ASTN2: variants seen among roughly 807,000 people sequenced by gnomAD.
ASTN2 encodes astrotactin 2.
In ASTN2, 54 loss-of-function variants were observed where a neutral mutation model predicts 139.8. That is an observed-to-expected ratio of 0.39 (90% CI 0.31 to 0.48). ASTN2 has a LOEUF of 0.48. Among genes scored for constraint, ASTN2 ranks in the 20% least tolerant of loss-of-function variants. The pLI is 0.95. For missense variants in ASTN2, 1,565 were observed against 1,725.1 expected, an observed-to-expected ratio of 0.91 and a Z score of 1.64; for synonymous variants, 756 against 719.5, an observed-to-expected ratio of 1.05 and a Z score of -0.81.
At chr9:116,906,107 G>A (rs1834151601) in intron 10 of ASTN2, among the ~76,000 whole-genome samples, 2 of 151,994 alleles carry the variant, frequency 1.3e-5, no homozygotes, top group South Asian at 2.1e-4. Context: ...AGTGCTTGGG[G>A]CTCGAGATGA....
intron 10 of ASTN2, among the ~76,000 whole-genome samples, chr9:116,891,994 C>T (rs12001078): frequency 0.034 from 5,192 of 152,168 alleles, 174 homozygotes; most frequent in African/African-American, 0.087. Flanking sequence ...TAGCAAGTCC[C>T]CTGCATGAGG....
At chr9:117,346,996 C>T (rs992375791) in intron 1 of ASTN2, among the ~76,000 whole-genome samples, 1 of 152,086 alleles carries the variant, frequency 6.6e-6, no homozygotes, top group Non-Finnish European at 1.5e-5. Flanking sequence ...TTAAATTAGT[C>T]AAGACTTACT....
In ASTN2 at chr9:116,520,796, A is replaced by C. The variant is rs918182402; in HGVS notation, c.3356-33296T>G. ...GCTCCTAGAACTGGTAAATGAATTC[A>C]GCAAAGCTTCAGGATAGAAAATTAA... On this transcript the variant is annotated intron_variant, in intron 19 of 22. Transcript: ENST00000313400. 3.9e-5 allele frequency among the ~76,000 whole-genome samples: 6 copies of C among 152,326 alleles called. No individual in the cohort carries two copies. In the East Asian group the frequency reaches 9.6e-4, roughly 24 times the overall value.
intron 16 of ASTN2, among the ~76,000 whole-genome samples, chr9:116,721,118 G>A (rs1828462383): frequency 6.6e-6 from 1 of 152,206 alleles, no homozygotes; most frequent in Admixed American, 6.5e-5. Flanking sequence ...CCTCAACTCA[G>A]AGCTGGATGG....
intron 22 of ASTN2, among the ~76,000 whole-genome samples, chr9:116,435,337 A>G (rs536382454): frequency 1.3e-5 from 2 of 152,342 alleles, no homozygotes; most frequent in East Asian, 3.9e-4. Flanking sequence ...GATGTTCTGC[A>G]TACTTGCTAA....
At chr9:116,782,208 C>T (rs1185478735) in intron 13 of ASTN2, among the ~76,000 whole-genome samples, 1 of 152,120 alleles carries the variant, frequency 6.6e-6, no homozygotes, top group Admixed American at 6.6e-5. Context: ...CAGTGGAGCC[C>T]ACAATCACTG....
rs543191711 is a variant in ASTN2, at chr9:116,954,193, C to T, written c.1889+21015G>A. Among the ~76,000 whole-genome samples, 3 of 152,230 alleles carry T rather than the reference C, an allele frequency of 2.0e-5. No individual in the cohort carries two copies. The South Asian group carries it at 6.2e-4, about 32-fold the overall frequency. On this transcript the variant is annotated intron_variant, in intron 10 of 22. Coordinates refer to ENST00000313400, the MANE Select transcript of ASTN2 (RefSeq NM_001365068.1). The stretch of plus-strand genomic sequence containing the variant: ...CATTATCCCTATTATATATATCCAA[C>T]AACTGAGACTAGAAAGGGAATATAA...
chr9:116,779,799 C>T (rs1262539176), intron 13 of ASTN2, among the ~76,000 whole-genome samples: 1 of 152,158 alleles, frequency 6.6e-6, no homozygotes, highest in Non-Finnish European at 1.5e-5. Context: ...CCACCTGGGT[C>T]AATAATTAAT....
chr9:117,398,083 T>C (rs1458921470), intron 1 of ASTN2, among the ~76,000 whole-genome samples: 1 of 152,078 alleles, frequency 6.6e-6, no homozygotes, highest in Admixed American at 6.6e-5. Context: ...ATATTATGTA[T>C]ATGTGTGTGT....
rs766522381 is a variant in ASTN2, at chr9:116,487,434, C to T, written c.3422G>A (p.Arg1141Gln). The change falls in exon 20 of 23, where the codon CGA (arginine) becomes CAA (glutamine). Residue 1141 changes from arginine (R) to glutamine (Q), a missense_variant. Arg to Gln is a conservative substitution (Grantham distance 43, BLOSUM62 1). Coordinates refer to ENST00000313400, the MANE Select transcript of ASTN2 (RefSeq NM_001365068.1). ...GACTTCAGGGACCTCTCCATGGCTT[C>T]GACCAGCTGCTACACAAGATGTGCC... ...GLGTSCVAAG[R>Q]SHGEVPEVSI... 32 of 1,613,880 alleles carry T rather than the reference C, an allele frequency of 2.0e-5. No individual in the cohort carries two copies. Among genetic ancestry groups the T allele is most frequent in the Middle Eastern group, 1.6e-4 (1 of 6,084 alleles).
At chr9:116,511,432 G>A (rs573470864) in intron 19 of ASTN2, among the ~76,000 whole-genome samples, 1 of 152,080 alleles carries the variant, frequency 6.6e-6, no homozygotes, top group African/African-American at 2.4e-5. Context: ...TTTTTGCATC[G>A]ATGTTCATCA....
At chr9:117,385,226 G>A (rs893634597) in intron 1 of ASTN2, among the ~76,000 whole-genome samples, 2 of 152,108 alleles carry the variant, frequency 1.3e-5, no homozygotes, top group Admixed American at 1.3e-4. Flanking sequence ...CTGGCCTCAA[G>A]TGATCTTCCC....
At chr9:116,788,496 A>G (rs1830439933) in intron 13 of ASTN2, among the ~76,000 whole-genome samples, 1 of 152,170 alleles carries the variant, frequency 6.6e-6, no homozygotes, top group Admixed American at 6.5e-5. Flanking sequence ...TCTGAGTGGA[A>G]TACGGAAAAG....
intron 13 of ASTN2, among the ~76,000 whole-genome samples, chr9:116,735,593 ATCT>A (rs1330180245): frequency 1.3e-5 from 2 of 152,186 alleles, no homozygotes; most frequent in African/African-American, 2.4e-5. Context: ...TGTCCTCTAG[ATCT>A]TCTCAGCCTA....
chr9:117,336,329 T>A (rs1191025830), intron 1 of ASTN2, among the ~76,000 whole-genome samples: 1 of 152,148 alleles, frequency 6.6e-6, no homozygotes, highest in Admixed American at 6.6e-5. Flanking sequence ...ATTAATTTGC[T>A]CTTTGTTTCC....
intron 10 of ASTN2, among the ~76,000 whole-genome samples, chr9:116,897,134 C>T (rs186705578): frequency 1.3e-5 from 2 of 152,194 alleles, no homozygotes; most frequent in African/African-American, 4.8e-5. Flanking sequence ...AAAAAAATAA[C>T]CTCAGGCAGA....
intron 1 of ASTN2, among the ~76,000 whole-genome samples, chr9:117,359,618 T>C (rs762698123): frequency 2.8e-4 from 42 of 152,168 alleles, no homozygotes; most frequent in Non-Finnish European, 4.9e-4. Flanking sequence ...GTTCTTGAAA[T>C]CTGTGGGTGC....
At chr9:117,378,786 T>C (rs575135189) in intron 1 of ASTN2, among the ~76,000 whole-genome samples, 4 of 152,326 alleles carry the variant, frequency 2.6e-5, no homozygotes, top group Admixed American at 2.6e-4. Context: ...TAGATATGTT[T>C]TAGATCTGTG....
chr9:117,134,582 GC>G (rs1224550846), intron 4 of ASTN2, among the ~76,000 whole-genome samples: 5 of 151,788 alleles, frequency 3.3e-5, no homozygotes, highest in Admixed American at 6.6e-5. Flanking sequence ...GTTACCCCCT[GC>G]ACAGCTTCAT....
Sources: gnomAD v4.1 joint callset for allele counts (sites outside exome capture counted in the v4.1 genomes callset) on GRCh38, gnomAD v4.1.1 for gene constraint, MANE v1.5 for transcripts, NCBI Gene and HGNC (gene_info 2026-07-23, HGNC 2026-07-21) for gene names.